Variants in ABCA12 observed in about 807,000 individuals in gnomAD.
ABCA12 encodes the protein ATP binding cassette subfamily A member 12.
ABCA12 carries 156 observed loss-of-function variants against 293.5 expected under a neutral mutation model. That is an observed-to-expected ratio of 0.53 (90% CI 0.47 to 0.61). The LOEUF is 0.61. Among genes scored for constraint, ABCA12 ranks in the 20% least tolerant of loss-of-function variants. The pLI is 0.00. For synonymous variants in ABCA12, 1,063 were observed against 1,108.0 expected, an observed-to-expected ratio of 0.96 and a Z score of 0.81; for missense variants, 2,797 against 3,090.2, an observed-to-expected ratio of 0.91 and a Z score of 2.25.
rs773926057 is a variant in ABCA12, at chr2:214,970,413, G to C, written c.5563-13C>G. 3 of 1,612,726 alleles carry C rather than the reference G, an allele frequency of 1.9e-6. No homozygotes were observed. The highest frequency in any genetic ancestry group is 2.5e-6 in the Non-Finnish European group (3 of 1,179,078). ...ATTTAGGACATTCCTGGAAAATAAA[G>C]TTAAAAATGAATTTTTTTCTGGCCA... On this transcript the variant is annotated splice_polypyrimidine_tract_variant and intron_variant, in intron 36 of 52. Coordinates refer to ENST00000272895, the MANE Select transcript of ABCA12 (RefSeq NM_173076.3).
chr2:214,942,943 A>G lies in ABCA12; in HGVS notation c.7418T>C (p.Leu2473Ser), dbSNP rs768102971. Residue 2473 changes from leucine (L) to serine (S), a missense_variant, in exon 50 of 53, where the codon TTG (leucine) becomes TCG (serine). Physicochemically the swap from Leu to Ser is moderately radical, Grantham distance 145. Transcript: ENST00000272895. ...TCTTCACCTGCTCTTTATGTGCTGC[A>G]AAGATCCAATACATTGAAACTTTCC... ...VNGKFQCIGS[L>S]QHIKSRFGRG... 1.9e-6 allele frequency: 3 copies of G among 1,613,336 alleles called. No homozygotes were observed. In the South Asian group the frequency reaches 3.3e-5, roughly 18 times the overall value.
intron 3 of ABCA12, among the ~76,000 whole-genome samples, chr2:215,060,857 G>T (rs945975848): frequency 5.3e-5 from 8 of 151,970 alleles, no homozygotes; most frequent in African/African-American, 1.9e-4. Flanking sequence ...TTCAAGTTCT[G>T]CAAGAGCCAT....
chr2:215,046,236 T>C (rs1270425580), intron 6 of ABCA12, among the ~76,000 whole-genome samples: 1 of 152,030 alleles, frequency 6.6e-6, no homozygotes, highest in Admixed American at 6.6e-5. Flanking sequence ...GAAATTGGCA[T>C]AAAAGTTTGG....
chr2:215,035,170 A>G (rs1700965222), intron 8 of ABCA12, among the ~76,000 whole-genome samples: 1 of 152,322 alleles, frequency 6.6e-6, no homozygotes, highest in East Asian at 1.9e-4. Context: ...AGTCTACAAA[A>G]TTTCTGCTCA....
intron 19 of ABCA12, among the ~76,000 whole-genome samples, chr2:215,006,706 C>A (rs1290823164): frequency 6.6e-6 from 1 of 151,986 alleles, no homozygotes; most frequent in Non-Finnish European, 1.5e-5. Flanking sequence ...CTTTGATATG[C>A]AAGCCAGTCT....
chr2:215,138,454 A>G lies in ABCA12; in HGVS notation c.-246T>C. ...TTCCAAAAGAAGGACCCAGATCAGTATCTTTGGGTGGCTTATGCTTATTTT... is the reference window on the plus strand; with the variant it reads ...TTCCAAAAGAAGGACCCAGATCAGTGTCTTTGGGTGGCTTATGCTTATTTT... On this transcript the variant is annotated 5_prime_UTR_variant, in exon 1 of 53. Transcript: ENST00000272895. 1 of 545,620 alleles carries G rather than the reference A, an allele frequency of 1.8e-6. No homozygotes were observed. Among genetic ancestry groups the G allele is most frequent in the South Asian group, 2.0e-5 (1 of 48,882 alleles). 33.8% of individuals were successfully genotyped at this position (545,620 alleles called of 1,614,324 possible).
intron 2 of ABCA12, among the ~76,000 whole-genome samples, chr2:215,097,171 C>G (rs894356279): frequency 6.6e-6 from 1 of 152,152 alleles, no homozygotes; most frequent in East Asian, 1.9e-4. Context: ...TTTACCCCCA[C>G]CTTCACGAAA....
At chr2:214,952,360 A>T (rs1444654990) in intron 44 of ABCA12, among the ~76,000 whole-genome samples, 5 of 151,996 alleles carry the variant, frequency 3.3e-5, no homozygotes, top group Admixed American at 3.3e-4. Flanking sequence ...AGCTGGGATT[A>T]CAGGTGCGTG....
rs763182554 is a variant in ABCA12, at chr2:215,011,969, A to G, written c.2121+2T>C. On this transcript the variant is annotated splice_donor_variant, in intron 16 of 52. Coordinates refer to ENST00000272895, the MANE Select transcript of ABCA12 (RefSeq NM_173076.3). LOFTEE classifies it high-confidence loss of function. Reference sequence around the variant, plus strand: ...AAGAACATTACTGGGTGACTTTGCTACCTGTGTTAATGGAACACTTCTGGG... The same window carrying G: ...AAGAACATTACTGGGTGACTTTGCTGCCTGTGTTAATGGAACACTTCTGGG... 1.2e-6 allele frequency: 2 copies of G among 1,613,226 alleles called. No individual in the cohort carries two copies. The highest frequency in any genetic ancestry group is 1.7e-6 in the Non-Finnish European group (2 of 1,179,760).
chr2:215,134,344 A>ATATATGTATATATGTACATATATATG (rs1703136433), intron 1 of ABCA12, among the ~76,000 whole-genome samples: 1 of 146,246 alleles, frequency 6.8e-6, no homozygotes, highest in Non-Finnish European at 1.5e-5. Flanking sequence ...ATATATATGT[A>ATATATGTATATATGTACATATATATG]TATGTGTATA....
intron 1 of ABCA12, among the ~76,000 whole-genome samples, chr2:215,120,213 T>A (rs972517074): frequency 6.6e-6 from 1 of 151,664 alleles, no homozygotes; most frequent in Non-Finnish European, 1.5e-5. Context: ...TAAGTGAGAG[T>A]TAAACATTGA....
intron 2 of ABCA12, among the ~76,000 whole-genome samples, chr2:215,100,277 T>G (rs1702330707): frequency 6.6e-6 from 1 of 152,236 alleles, no homozygotes; most frequent in African/African-American, 2.4e-5. Context: ...CTAGTCTACC[T>G]ATCTTTAGCC....
chr2:215,037,106 G>A, intron 7 of ABCA12, 41 bp from the exon 8 acceptor site: 1 of 1,528,936 alleles, frequency 6.5e-7, no homozygotes, highest in Non-Finnish European at 9.1e-7. Context: ...TCTGTTTCAA[G>A]GTTTGCAGAC....
In ABCA12 at chr2:214,949,296, G is replaced by A. The variant is rs1247359919; in HGVS notation, c.6853-147C>T. On this transcript the variant is annotated intron_variant, in intron 45 of 52. Coordinates refer to ENST00000272895, the MANE Select transcript of ABCA12 (RefSeq NM_173076.3). ...TATTCATGGATAGTGTAATGCTCTT[G>A]ATAAAACTTTCTTTTTTAAAACAAA... is the stretch of plus-strand genomic sequence containing the variant. 1.9e-5 allele frequency: 12 copies of A among 644,104 alleles called. No individual in the cohort carries two copies. In the Admixed American group the frequency reaches 3.2e-4, roughly 17 times the overall value. The allele number at this position is 644,104 out of a possible 1,614,324, so 39.9% of individuals were successfully genotyped here. A position where few individuals can be genotyped will look rare whatever the true frequency, so the allele number is the denominator to read the frequency against.
At chr2:214,943,927 A>G (rs1457011435) in intron 49 of ABCA12, among the ~76,000 whole-genome samples, 1 of 152,234 alleles carries the variant, frequency 6.6e-6, no homozygotes, top group Non-Finnish European at 1.5e-5. Context: ...TTTCTACTAT[A>G]TGACAATTAT....
At chr2:215,119,734 T>G (rs1274310113) in intron 1 of ABCA12, among the ~76,000 whole-genome samples, 157 of 75,590 alleles carry the variant, frequency 2.1e-3, no homozygotes, top group Middle Eastern at 9.8e-3. Flanking sequence ...CATTAAAAAG[T>G]AAAAAAAAAA....
At chr2:214,976,104 A>G (rs1699511035) in intron 33 of ABCA12, 67 bp from the exon 34 acceptor site, 1 of 1,585,440 alleles carries the variant, frequency 6.3e-7, no homozygotes, top group Non-Finnish European at 8.6e-7. Context: ...TAACTTCAGA[A>G]ACTATATATA....
intron 8 of ABCA12, among the ~76,000 whole-genome samples, chr2:215,036,696 G>C (rs1292904776): frequency 6.6e-6 from 1 of 151,814 alleles, no homozygotes; most frequent in Non-Finnish European, 1.5e-5. Context: ...TCTATACCAA[G>C]TATAAACATA....
At chr2:215,025,857 C>G (rs1219963565) in intron 10 of ABCA12, 78 bp from the exon 11 acceptor site, 1 of 957,686 alleles carries the variant, frequency 1.0e-6, no homozygotes, top group African/African-American at 1.6e-5. Context: ...ACACCTCTAT[C>G]CTGACTTATT....
Sources: gnomAD v4.1 joint callset for allele counts (sites outside exome capture counted in the v4.1 genomes callset) on GRCh38, gnomAD v4.1.1 for gene constraint, MANE v1.5 for transcripts, NCBI Gene and HGNC (gene_info 2026-07-23, HGNC 2026-07-21) for gene names.